Variants in CERT1 observed in about 807,000 individuals in gnomAD.
CERT1 encodes ceramide transfer protein.
A neutral mutation model predicts 87.9 loss-of-function variants in CERT1; 31 were observed. The ratio of observed to expected loss-of-function variants is 0.35; its 90% CI spans 0.27 to 0.48. The LOEUF (loss-of-function observed/expected upper bound fraction) is 0.48, where lower values mean the gene tolerates loss of function less well. Ranked by LOEUF, CERT1 falls within the 20% of genes least tolerant of loss-of-function variation. CERT1 has a pLI of 0.99. For synonymous variants in CERT1, 289 were observed against 250.9 expected, an observed-to-expected ratio of 1.15 and a Z score of -1.44; for missense variants, 487 against 758.0, an observed-to-expected ratio of 0.64 and a Z score of 4.20.
rs1374880761 is a variant in CERT1, at chr5:75,379,165, G to C, written c.*181C>G. On this transcript the variant is annotated 3_prime_UTR_variant, in exon 17 of 17. Transcript: ENST00000643780. ...TCATTGCACTTCAGCTTAGGAAACAGAGCAAGACCCTGTTTAAAACAACAA... is the reference window on the plus strand; with the variant it reads ...TCATTGCACTTCAGCTTAGGAAACACAGCAAGACCCTGTTTAAAACAACAA... The C allele has an allele frequency of 1.2e-5, 7 of 591,156 alleles. No homozygotes were observed. The highest frequency in any genetic ancestry group is 1.1e-4 in the South Asian group (5 of 45,624). The allele number at this position is 591,156 out of a possible 1,614,324, so 36.6% of individuals were successfully genotyped here.
At chr5:75,413,503 G>C (rs1763013688) in intron 7 of CERT1, among the ~76,000 whole-genome samples, 1 of 152,168 alleles carries the variant, frequency 6.6e-6, no homozygotes, top group South Asian at 2.1e-4. Context: ...TGGTCATTCA[G>C]GAGGCTGAGG....
intron 2 of CERT1, among the ~76,000 whole-genome samples, chr5:75,473,429 T>A (rs77760425): frequency 0.056 from 8,574 of 152,110 alleles, 304 homozygotes; most frequent in East Asian, 0.18. Context: ...TTTTTGACAA[T>A]ATGAATGAAT....
At chr5:75,422,302 A>G (rs1204772330) in intron 5 of CERT1, among the ~76,000 whole-genome samples, 1 of 151,888 alleles carries the variant, frequency 6.6e-6, no homozygotes, top group Non-Finnish European at 1.5e-5. Context: ...ATAACCTTCC[A>G]CCTCCAAAAC....
chr5:75,482,237 C>A (rs1766279626), intron 2 of CERT1, among the ~76,000 whole-genome samples: 1 of 152,058 alleles, frequency 6.6e-6, no homozygotes, highest in Non-Finnish European at 1.5e-5. Flanking sequence ...ACTAAAGAGC[C>A]CTTGGACCTT....
intron 2 of CERT1, among the ~76,000 whole-genome samples, chr5:75,466,193 T>A (rs1189209836): frequency 6.6e-6 from 1 of 152,126 alleles, no homozygotes; most frequent in Non-Finnish European, 1.5e-5. Context: ...ATGTGGGACA[T>A]TAGATAAGGA....
intron 2 of CERT1, among the ~76,000 whole-genome samples, chr5:75,496,089 A>T (rs1201980830): frequency 6.6e-6 from 1 of 152,144 alleles, no homozygotes; most frequent in Admixed American, 6.5e-5. Context: ...TACCTGACAA[A>T]CGTTACGGTA....
chr5:75,416,473 A>C (rs1380624171), intron 7 of CERT1, among the ~76,000 whole-genome samples: 1 of 152,186 alleles, frequency 6.6e-6, no homozygotes, highest in Non-Finnish European at 1.5e-5. Context: ...CTGACCATGG[A>C]AAAAATACAT....
chr5:75,484,085 G>T (rs375900995), intron 2 of CERT1, among the ~76,000 whole-genome samples: 1 of 151,922 alleles, frequency 6.6e-6, no homozygotes, highest in African/African-American at 2.4e-5. Context: ...AAAGTGGGGG[G>T]TGATAAAATT....
chr5:75,469,929 T>C (rs1326849697), intron 2 of CERT1, among the ~76,000 whole-genome samples: 1 of 152,146 alleles, frequency 6.6e-6, no homozygotes, highest in Non-Finnish European at 1.5e-5. Context: ...TATACTTCTA[T>C]CAGATGAAAT....
Position 75,379,250 on chromosome 5 carries a change from G to T in CERT1, c.*96C>A. The T allele has an allele frequency of 8.9e-7, 1 of 1,120,232 alleles. No homozygotes were observed. The highest frequency in any genetic ancestry group is 1.3e-6 in the Non-Finnish European group (1 of 772,406). 69.4% of individuals were successfully genotyped at this position (1,120,232 alleles called of 1,614,324 possible). ...CTATAGGGGAACATCAAAAAACATA[G>T]TAAATACTTTCAACAACTAAATTTT... On this transcript the variant is annotated 3_prime_UTR_variant, in exon 17 of 17. Transcript: ENST00000643780.
At chr5:75,413,926 C>T (rs1460464577) in intron 7 of CERT1, among the ~76,000 whole-genome samples, 2 of 151,786 alleles carry the variant, frequency 1.3e-5, no homozygotes, top group Admixed American at 6.6e-5. Flanking sequence ...TAAAGATATG[C>T]CCCAAGAACT....
At chr5:75,496,406 A>G (rs1767072180) in intron 2 of CERT1, among the ~76,000 whole-genome samples, 2 of 152,212 alleles carry the variant, frequency 1.3e-5, no homozygotes, top group Admixed American at 6.5e-5. Context: ...TTTGGAAAAC[A>G]GTTTCACAGT....
chr5:75,443,172 G>C (rs1339983426), intron 3 of CERT1, among the ~76,000 whole-genome samples: 2 of 152,040 alleles, frequency 1.3e-5, no homozygotes, highest in African/African-American at 4.8e-5. Context: ...TCAAGTTTTA[G>C]TTCCAATGAT....
chr5:75,387,005 T>A (rs1329151418), intron 12 of CERT1, among the ~76,000 whole-genome samples: 1 of 152,114 alleles, frequency 6.6e-6, no homozygotes, highest in Non-Finnish European at 1.5e-5. Flanking sequence ...GTAGCTGGGA[T>A]TACAGGCGCC....
chr5:75,396,497 C>T (rs1280937172), intron 11 of CERT1, among the ~76,000 whole-genome samples: 1 of 151,850 alleles, frequency 6.6e-6, no homozygotes, highest in Middle Eastern at 3.2e-3. Context: ...GAGGCCGAGG[C>T]GGGCAGATCA....
At chr5:75,405,288 G>T (rs1762657780) in intron 8 of CERT1, among the ~76,000 whole-genome samples, 1 of 151,990 alleles carries the variant, frequency 6.6e-6, no homozygotes, top group Admixed American at 6.6e-5. Context: ...CCCTCTCTAA[G>T]CACTCTTATG....
intron 2 of CERT1, among the ~76,000 whole-genome samples, chr5:75,497,687 G>A (rs958172165): frequency 1.3e-5 from 2 of 151,940 alleles, no homozygotes; most frequent in Admixed American, 6.6e-5. Flanking sequence ...TAAGTTTCCT[G>A]AACCTCCCCA....
At chr5:75,383,502 T>G (rs1391401879) in intron 14 of CERT1, among the ~76,000 whole-genome samples, 1 of 152,116 alleles carries the variant, frequency 6.6e-6, no homozygotes, top group Non-Finnish European at 1.5e-5. Context: ...ATTAATATTC[T>G]GACATTTACT....
chr5:75,389,834 T>A (rs1327237579), intron 11 of CERT1, 147 bp from the exon 12 acceptor site: 1 of 603,548 alleles, frequency 1.7e-6, no homozygotes, highest in African/African-American at 1.8e-5. Flanking sequence ...TTTTACATAG[T>A]GTTTGAAGAG....
Sources: gnomAD v4.1 joint callset for allele counts (sites outside exome capture counted in the v4.1 genomes callset) on GRCh38, gnomAD v4.1.1 for gene constraint, MANE v1.5 for transcripts, NCBI Gene and HGNC (gene_info 2026-07-23, HGNC 2026-07-21) for gene names.